TAFA5: variants seen among roughly 807,000 people sequenced by gnomAD.
TAFA5 encodes TAFA chemokine like family member 5.
A neutral mutation model predicts 15.3 loss-of-function variants in TAFA5; 6 were observed. That is an observed-to-expected ratio of 0.39 (90% CI 0.21 to 0.77). TAFA5 has a LOEUF of 0.77. TAFA5 is among the 30% of genes least tolerant of loss of function. TAFA5 has a pLI of 0.41. For missense variants in TAFA5, 161 were observed against 193.1 expected, an observed-to-expected ratio of 0.83 and a Z score of 0.98; for synonymous variants, 103 against 80.7, an observed-to-expected ratio of 1.28 and a Z score of -1.48.
chr22:48,645,382 G>A (rs1926825994), intron 1 of TAFA5, among the ~76,000 whole-genome samples: 1 of 152,168 alleles, frequency 6.6e-6, no homozygotes, highest in African/African-American at 2.4e-5. Flanking sequence ...TTTATTTGCA[G>A]GGTAGAACTT....
intron 1 of TAFA5, among the ~76,000 whole-genome samples, chr22:48,504,533 G>T (rs897975812): frequency 6.6e-6 from 1 of 152,166 alleles, no homozygotes; most frequent in Non-Finnish European, 1.5e-5. Flanking sequence ...GCACCTTGCT[G>T]GGGGACGTTT....
intron 1 of TAFA5, among the ~76,000 whole-genome samples, chr22:48,575,119 C>G (rs1188699918): frequency 6.6e-6 from 1 of 152,124 alleles, no homozygotes; most frequent in Non-Finnish European, 1.5e-5. Flanking sequence ...GGGGCGGTAC[C>G]TGGGCCTGGG....
At chr22:48,688,660 A>C (rs80106820) in intron 2 of TAFA5, among the ~76,000 whole-genome samples, 3 of 152,146 alleles carry the variant, frequency 2.0e-5, no homozygotes, top group African/African-American at 7.2e-5. Flanking sequence ...GAGAGTCTTG[A>C]CTTCCCAGTT....
intron 1 of TAFA5, among the ~76,000 whole-genome samples, chr22:48,630,574 C>T (rs1031576039): frequency 6.6e-6 from 1 of 152,164 alleles, no homozygotes; most frequent in Non-Finnish European, 1.5e-5. Flanking sequence ...CACAGGTTCA[C>T]GGGATAATTG....
intron 3 of TAFA5, among the ~76,000 whole-genome samples, chr22:48,716,373 A>G (rs1038761714): frequency 1.3e-5 from 2 of 152,252 alleles, no homozygotes; most frequent in African/African-American, 4.8e-5. Context: ...TTGCAGGGAC[A>G]TGGATGAAGT....
At chr22:48,699,299 AG>A (rs1928829388) in intron 2 of TAFA5, among the ~76,000 whole-genome samples, 2 of 152,220 alleles carry the variant, frequency 1.3e-5, no homozygotes, top group South Asian at 4.1e-4. Context: ...ACAATGTTGC[AG>A]GACTATGAAC....
chr22:48,646,587 C>G lies in TAFA5; in HGVS notation c.113-10C>G. ...TGTGGCCGCTCAGTCGCTTCTGCTC[C>G]TCTCTGCAGGTCAGCTGGCCGCCGG... On this transcript the variant is annotated splice_polypyrimidine_tract_variant and intron_variant, in intron 1 of 3. Coordinates refer to ENST00000402357, the MANE Select transcript of TAFA5 (RefSeq NM_001082967.3). 6.2e-7 allele frequency: 1 copy of G among 1,612,136 alleles called. No homozygotes were observed. The highest frequency in any genetic ancestry group is 8.5e-7 in the Non-Finnish European group (1 of 1,179,534).
chr22:48,636,820 C>T (rs749319351), intron 1 of TAFA5, among the ~76,000 whole-genome samples: 10 of 152,206 alleles, frequency 6.6e-5, no homozygotes, highest in Non-Finnish European at 1.3e-4. Flanking sequence ...AGGAGTCTGG[C>T]ATCTTATTCC....
At chr22:48,705,476 C>G (rs182969845) in intron 2 of TAFA5, among the ~76,000 whole-genome samples, 50 of 152,328 alleles carry the variant, frequency 3.3e-4, no homozygotes, top group African/African-American at 1.2e-3. Flanking sequence ...ACCTGCCTCC[C>G]CTGCGATGAC....
intron 1 of TAFA5, among the ~76,000 whole-genome samples, chr22:48,527,831 C>A (rs961130870): frequency 6.6e-6 from 1 of 152,198 alleles, no homozygotes; most frequent in Non-Finnish European, 1.5e-5. Flanking sequence ...GCCTGAGATG[C>A]GCCGGGTGTT....
chr22:48,551,974 C>T (rs1008214998), intron 1 of TAFA5, among the ~76,000 whole-genome samples: 2 of 152,202 alleles, frequency 1.3e-5, no homozygotes, highest in African/African-American at 2.4e-5. Context: ...ATTGAGAGCA[C>T]GGGCTCCTGC....
chr22:48,701,472 C>T lies in TAFA5; in HGVS notation c.263-6245C>T, dbSNP rs374214251. 1.5e-3 allele frequency among the ~76,000 whole-genome samples: 223 copies of T among 152,290 alleles called. 1 individual carries two copies. In the Middle Eastern group the frequency reaches 0.017, roughly 12 times the overall value. On this transcript the variant is annotated intron_variant, in intron 2 of 3. Coordinates refer to ENST00000402357, the MANE Select transcript of TAFA5 (RefSeq NM_001082967.3). The stretch of plus-strand genomic sequence containing the variant: ...CCTGCCTGCCCGCTGGGAGTCGGCG[C>T]AACCCTCAGCTGCCTTTCCTAGGGT...
Position 48,598,811 on chromosome 22 carries a change from C to T in TAFA5, c.113-47786C>T, listed in dbSNP as rs1924860902. Among the ~76,000 whole-genome samples, 1 of 152,170 alleles carries T rather than the reference C, an allele frequency of 6.6e-6. No individual in the cohort carries two copies. Among genetic ancestry groups the T allele is most frequent in the Admixed American group, 6.5e-5 (1 of 15,282 alleles). ...CCCCTTCAGATACCAAGTCCAAGTG[C>T]CACCAGTGGAACCAAGCGCCAGGTG... On this transcript the variant is annotated intron_variant, in intron 1 of 3. Coordinates refer to ENST00000402357, the MANE Select transcript of TAFA5 (RefSeq NM_001082967.3). This position sits in a 1 kb window ranked among gnomAD's most constrained non-coding sequence, Gnocchi z 4.0.
chr22:48,656,861 G>A (rs1601648493), intron 2 of TAFA5, among the ~76,000 whole-genome samples: 1 of 149,840 alleles, frequency 6.7e-6, no homozygotes, highest in Non-Finnish European at 1.5e-5. Flanking sequence ...GCCCTCCCGG[G>A]TTCAAGCAGT....
intron 1 of TAFA5, among the ~76,000 whole-genome samples, chr22:48,549,721 G>A (rs1922795586): frequency 6.6e-6 from 1 of 152,212 alleles, no homozygotes; most frequent in Non-Finnish European, 1.5e-5. Context: ...GCAGTGCCGG[G>A]TTGGGCTTCA....
At chr22:48,577,421 G>A (rs1052929492) in intron 1 of TAFA5, among the ~76,000 whole-genome samples, 3 of 152,156 alleles carry the variant, frequency 2.0e-5, no homozygotes, top group African/African-American at 4.8e-5. Context: ...ATCAGACTGG[G>A]GGCAACTGAG....
At chr22:48,588,827 A>T (rs1005597633) in intron 1 of TAFA5, among the ~76,000 whole-genome samples, 1 of 152,086 alleles carries the variant, frequency 6.6e-6, no homozygotes, top group African/African-American at 2.4e-5. Flanking sequence ...GACCATTCCA[A>T]CTGGACCGCA....
chr22:48,639,171 C>G (rs559427571), intron 1 of TAFA5, among the ~76,000 whole-genome samples: 13 of 152,334 alleles, frequency 8.5e-5, no homozygotes, highest in African/African-American at 3.1e-4. Flanking sequence ...GCACTCCCTA[C>G]GGGAACTCTG....
At position 48,529,264 on chromosome 22, in the gene TAFA5, GAGATGAGGGTGTCAGA is replaced by G. The variant is rs1412543804; in HGVS notation, c.112+39561_112+39576del. Among the ~76,000 whole-genome samples the G allele has an allele frequency of 1.1e-3, 144 of 131,716 alleles. No individual in the cohort carries two copies. In the East Asian group the frequency reaches 0.014, roughly 13 times the overall value. 86.4% of individuals were successfully genotyped at this position (131,716 alleles called of 152,430 possible). A position where few individuals can be genotyped will look rare whatever the true frequency, so the allele number is the denominator to read the frequency against. ...GGCAGGAGATGGGGGTGTCAGGCAGGAGATGAGGGTGTCAGACAGGAGATGGGGGTGTCCAGGCAGG... is the reference window on the plus strand; with the variant it reads ...GGCAGGAGATGGGGGTGTCAGGCAGGCAGGAGATGGGGGTGTCCAGGCAGG... On this transcript the variant is annotated intron_variant, in intron 1 of 3. Transcript: ENST00000402357.
Sources: gnomAD v4.1 joint callset for allele counts (sites outside exome capture counted in the v4.1 genomes callset) on GRCh38, gnomAD v4.1.1 for gene constraint, Gnocchi (gnomAD v3.1) non-coding constraint, MANE v1.5 for transcripts, NCBI Gene and HGNC (gene_info 2026-07-23, HGNC 2026-07-21) for gene names.